The following SNAP25 variants were observed in gnomAD, a reference collection of about 807,000 sequenced individuals.
SNAP25 encodes synaptosome associated protein 25.
In SNAP25, 3 loss-of-function variants were observed where a neutral mutation model predicts 28.7. That is an observed-to-expected ratio of 0.10 (90% CI 0.05 to 0.27). The LOEUF (loss-of-function observed/expected upper bound fraction) is 0.27, where lower values mean the gene tolerates loss of function less well. Ranked by LOEUF, SNAP25 falls within the 10% of genes least tolerant of loss-of-function variation. The pLI, the probability that SNAP25 is intolerant of heterozygous loss-of-function variation, is 1.00. For missense variants in SNAP25, 117 were observed against 278.7 expected (o/e 0.42, Z 4.13); for synonymous variants, 61 against 88.1 (o/e 0.69, Z 1.72).
At chr20:10,281,046 C>A (rs1362635636) in intron 3 of SNAP25, among the ~76,000 whole-genome samples, 1 of 151,808 alleles carries the variant, frequency 6.6e-6, no homozygotes, top group Non-Finnish European at 1.5e-5. Context: ...TTGAAACGTT[C>A]TATAAAGATT....
At chr20:10,301,258 T>C (rs1356665135) in intron 7 of SNAP25, among the ~76,000 whole-genome samples, 3 of 152,208 alleles carry the variant, frequency 2.0e-5, no homozygotes, top group African/African-American at 7.2e-5. Context: ...CAGAGACATA[T>C]GCAGCTACAA....
chr20:10,285,854 A>G (rs1229806205), intron 4 of SNAP25, among the ~76,000 whole-genome samples: 1 of 152,224 alleles, frequency 6.6e-6, no homozygotes, highest in Non-Finnish European at 1.5e-5. Flanking sequence ...ATGACAAGAT[A>G]CCACTTTTTA....
At chr20:10,271,520 G>A (rs1453807291) in intron 1 of SNAP25, among the ~76,000 whole-genome samples, 2 of 152,180 alleles carry the variant, frequency 1.3e-5, no homozygotes, top group Non-Finnish European at 2.9e-5. Context: ...GGGAGTTCCT[G>A]GGGGAACCGT....
At chr20:10,241,328 T>G (rs541253248) in intron 1 of SNAP25, among the ~76,000 whole-genome samples, 53 of 152,130 alleles carry the variant, frequency 3.5e-4, no homozygotes, top group Non-Finnish European at 7.4e-4. Context: ...ATCATCTTCA[T>G]CATGCACAGT....
chr20:10,289,316 C>T (rs935525589), intron 4 of SNAP25, among the ~76,000 whole-genome samples: 1 of 152,078 alleles, frequency 6.6e-6, no homozygotes, highest in Non-Finnish European at 1.5e-5. Flanking sequence ...GGGCTTTTAC[C>T]TGCATATCTC....
At position 10,285,582 on chromosome 20, in the gene SNAP25, T is replaced by G. The variant is rs146095338; in HGVS notation, c.163+810T>G. Among the ~76,000 whole-genome samples the G allele has an allele frequency of 8.1e-3, 1,232 of 152,286 alleles. 8 individuals carry two copies. Among genetic ancestry groups the G allele is most frequent in the Non-Finnish European group, 0.013 (892 of 68,020 alleles). On this transcript the variant is annotated intron_variant, in intron 4 of 7. Transcript: ENST00000254976. ...ATATTTTGTAAAAGCATTAGAAAAT[T>G]TTTTGGAGTCATGACTATTTTTTTT...
At chr20:10,236,329 A>G (rs562477313) in intron 1 of SNAP25, among the ~76,000 whole-genome samples, 1 of 152,352 alleles carries the variant, frequency 6.6e-6, no homozygotes, top group South Asian at 2.1e-4. Flanking sequence ...TCAGCAGGGA[A>G]GTCAAAGGGG....
chr20:10,305,665 A>T (rs4813925), intron 7 of SNAP25, among the ~76,000 whole-genome samples: 1 of 151,914 alleles, frequency 6.6e-6, no homozygotes, highest in African/African-American at 2.4e-5. Context: ...AGGTTGGAGA[A>T]GAGAAAGCTG....
In SNAP25 at chr20:10,306,350, C is replaced by T; in HGVS notation, c.*153C>T. The T allele has an allele frequency of 1.6e-6, 1 of 628,484 alleles. No homozygotes were observed. The highest frequency in any genetic ancestry group is 2.6e-5 in the Admixed American group (1 of 37,816). 38.9% of individuals were successfully genotyped at this position (628,484 alleles called of 1,614,324 possible). A position where few individuals can be genotyped will look rare whatever the true frequency, so the allele number is the denominator to read the frequency against. On this transcript the variant is annotated 3_prime_UTR_variant, in exon 8 of 8. Coordinates refer to ENST00000254976, the MANE Select transcript of SNAP25 (RefSeq NM_130811.4). ...CCTGTGTCATCTGTCAGCTTCCCAA[C>T]AATACTTTGTGTCTTTTGTTCTCTC... is the stretch of plus-strand genomic sequence containing the variant.
intron 5 of SNAP25, 77 bp from the exon 6 acceptor site, chr20:10,296,848 C>T (rs568046611): frequency 1.0e-4 from 161 of 1,600,206 alleles, no homozygotes; most frequent in African/African-American, 2.1e-4. Context: ...TTCGATTCTT[C>T]GCTTGAAGAA....
At chr20:10,239,911 G>A (rs981403331) in intron 1 of SNAP25, among the ~76,000 whole-genome samples, 3 of 152,168 alleles carry the variant, frequency 2.0e-5, no homozygotes, top group African/African-American at 2.4e-5. Context: ...TCTGGAACCC[G>A]GGTGTATTCA....
chr20:10,273,952 C>T (rs2063643002), intron 1 of SNAP25, among the ~76,000 whole-genome samples: 1 of 152,126 alleles, frequency 6.6e-6, no homozygotes, highest in Non-Finnish European at 1.5e-5. Flanking sequence ...CATGGGCACC[C>T]ATGATACCAG....
chr20:10,260,574 G>T (rs2063393126), intron 1 of SNAP25, among the ~76,000 whole-genome samples: 1 of 152,054 alleles, frequency 6.6e-6, no homozygotes, highest in African/African-American at 2.4e-5. Flanking sequence ...TACTACATCA[G>T]CAATCTGAGT....
intron 3 of SNAP25, 147 bp from the exon 4 acceptor site, chr20:10,284,577 C>T (rs2063839504): frequency 5.9e-6 from 4 of 680,086 alleles, no homozygotes; most frequent in Non-Finnish European, 1.0e-5. Flanking sequence ...CATAACCCCT[C>T]AGGGCTCTTG....
intron 1 of SNAP25, among the ~76,000 whole-genome samples, chr20:10,263,601 A>G (rs1354721467): frequency 6.6e-6 from 1 of 152,202 alleles, no homozygotes; most frequent in African/African-American, 2.4e-5. Context: ...TGTTTAGGGT[A>G]TAACAAGACT....
intron 1 of SNAP25, among the ~76,000 whole-genome samples, chr20:10,242,481 GC>G (rs2063052294): frequency 6.6e-6 from 1 of 152,172 alleles, no homozygotes; most frequent in African/African-American, 2.4e-5. Flanking sequence ...GCCATGTGAA[GC>G]CTGGCATCTG....
At chr20:10,251,865 A>G (rs1308612422) in intron 1 of SNAP25, among the ~76,000 whole-genome samples, 1 of 152,226 alleles carries the variant, frequency 6.6e-6, no homozygotes, top group Non-Finnish European at 1.5e-5. Flanking sequence ...GCAGCTACAG[A>G]AAAGGAAATC....
At chr20:10,271,529 G>A (rs901742931) in intron 1 of SNAP25, among the ~76,000 whole-genome samples, 11 of 152,338 alleles carry the variant, frequency 7.2e-5, no homozygotes, top group Admixed American at 2.0e-4. Flanking sequence ...TGGGGGAACC[G>A]TGAAAGTGAT....
At chr20:10,232,182 C>T (rs190449478) in intron 1 of SNAP25, among the ~76,000 whole-genome samples, 73 of 152,318 alleles carry the variant, frequency 4.8e-4, no homozygotes, top group African/African-American at 1.5e-3. Flanking sequence ...CCTCCCCATA[C>T]CAGAAACATA....
Sources: gnomAD v4.1 joint callset for allele counts (sites outside exome capture counted in the v4.1 genomes callset) on GRCh38, gnomAD v4.1.1 for gene constraint, MANE v1.5 for transcripts, NCBI Gene and HGNC (gene_info 2026-07-23, HGNC 2026-07-21) for gene names.